NPSR1: variants seen among roughly 807,000 people sequenced by gnomAD.
NPSR1 encodes neuropeptide S receptor 1, also known as neuropeptide S receptor.
NPSR1 carries 48 observed loss-of-function variants against 46.9 expected under a neutral mutation model. That is an observed-to-expected ratio of 1.02 (90% CI 0.81 to 1.30). NPSR1 has a LOEUF of 1.30. Ranked by LOEUF, NPSR1 falls within the 50% of genes most tolerant of loss-of-function variation. The probability of loss-of-function intolerance (pLI) is 0.00; values close to 1 mark genes in which losing one functional copy is unlikely to be tolerated. For missense variants in NPSR1, 450 were observed against 449.5 expected (o/e 1.00, Z -0.01); for synonymous variants, 176 against 168.1 (o/e 1.05, Z -0.36).
intron 2 of NPSR1, among the ~76,000 whole-genome samples, chr7:34,752,344 G>A (rs928468779): frequency 2.6e-5 from 4 of 152,142 alleles, no homozygotes; most frequent in Non-Finnish European, 4.4e-5. Context: ...GGTTTTGGGA[G>A]TTCCTTCAGA....
chr7:34,689,685 G>A (rs1174765005), intron 2 of NPSR1, among the ~76,000 whole-genome samples: 5 of 149,236 alleles, frequency 3.4e-5, no homozygotes, highest in African/African-American at 9.8e-5. Flanking sequence ...GTTTATGCCT[G>A]TAGTCCCAGC....
chr7:34,862,374 C>T lies in NPSR1; in HGVS notation c.1025+13711C>T, dbSNP rs375587619. ...CCCAGAATCAGCCCTGGGGCCTCCT[C>T]TGAACTCTTAGGATAACTCTACCCT... On this transcript the variant is annotated intron_variant, in intron 8 of 8. Coordinates refer to the NPSR1 transcript ENST00000359791. 2.6e-5 allele frequency among the ~76,000 whole-genome samples: 4 copies of T among 151,748 alleles called. No homozygotes were observed. In the East Asian group the frequency reaches 7.7e-4, roughly 29 times the overall value.
intron 8 of NPSR1, among the ~76,000 whole-genome samples, chr7:34,871,114 A>G (rs1216930355): frequency 1.3e-5 from 2 of 151,824 alleles, no homozygotes; most frequent in African/African-American, 2.4e-5. Context: ...TAATTGGTTC[A>G]TGGTTCTGCA....
intron 8 of NPSR1, among the ~76,000 whole-genome samples, chr7:34,862,416 C>T (rs1341452365): frequency 6.6e-6 from 1 of 151,772 alleles, no homozygotes; most frequent in Admixed American, 6.5e-5. Context: ...TTTGTTCCTC[C>T]AGTCTTAGGA....
intron 3 of NPSR1, among the ~76,000 whole-genome samples, chr7:34,810,136 G>A (rs143301510): frequency 4.8e-4 from 73 of 152,264 alleles, no homozygotes; most frequent in African/African-American, 1.6e-3. Flanking sequence ...AAAAAGGCAC[G>A]AATTCAGAAC....
chr7:34,682,995 C>G (rs1049053964), intron 1 of NPSR1, among the ~76,000 whole-genome samples: 3 of 152,282 alleles, frequency 2.0e-5, no homozygotes, highest in East Asian at 1.9e-4. Flanking sequence ...CATCCTCCCC[C>G]CACATCACCA....
chr7:34,849,562 C>T lies in NPSR1; in HGVS notation c.1026-3C>T. Reference sequence around the variant, plus strand: ...CTCCCTGCTTTATTTTGACTTTCTCCAGGGAGCAAAGATCACAGGATTCCA... The same window carrying T: ...CTCCCTGCTTTATTTTGACTTTCTCTAGGGAGCAAAGATCACAGGATTCCA... On this transcript the variant is annotated splice_polypyrimidine_tract_variant and splice_region_variant and intron_variant, in intron 8 of 8. Coordinates refer to ENST00000360581, the MANE Select transcript of NPSR1 (RefSeq NM_207172.2). 6.2e-7 allele frequency: 1 copy of T among 1,614,034 alleles called. No individual in the cohort carries two copies. The highest frequency in any genetic ancestry group is 1.1e-5 in the South Asian group (1 of 91,076).
intron 5 of NPSR1, among the ~76,000 whole-genome samples, chr7:34,829,678 T>C (rs1283641893): frequency 6.6e-6 from 1 of 152,222 alleles, no homozygotes; most frequent in Admixed American, 6.5e-5. Flanking sequence ...CCTGTATCTA[T>C]GATTTCCCCA....
At chr7:34,760,445 T>C (rs1182188947) in intron 2 of NPSR1, among the ~76,000 whole-genome samples, 1 of 152,210 alleles carries the variant, frequency 6.6e-6, no homozygotes, top group Non-Finnish European at 1.5e-5. Flanking sequence ...GTGTGGTCAG[T>C]AGCAAGCCCA....
intron 1 of NPSR1, among the ~76,000 whole-genome samples, chr7:34,671,110 T>C (rs956832274): frequency 6.6e-6 from 1 of 152,190 alleles, no homozygotes; most frequent in Non-Finnish European, 1.5e-5. Context: ...GATATAACCA[T>C]AGAATGGAAT....
chr7:34,669,967 C>T (rs935452432), intron 1 of NPSR1, among the ~76,000 whole-genome samples: 3 of 152,116 alleles, frequency 2.0e-5, no homozygotes, highest in Non-Finnish European at 4.4e-5. Flanking sequence ...TGAAGCATTA[C>T]TGAAATATAT....
intron 2 of NPSR1, among the ~76,000 whole-genome samples, chr7:34,705,192 T>C (rs1025625088): frequency 6.6e-6 from 1 of 152,102 alleles, no homozygotes; most frequent in Non-Finnish European, 1.5e-5. Context: ...TTTGGGAGGC[T>C]GAGGCGGGCA....
chr7:34,855,266 T>C (rs1791026298), intron 8 of NPSR1, among the ~76,000 whole-genome samples: 1 of 151,616 alleles, frequency 6.6e-6, no homozygotes, highest in African/African-American at 2.4e-5. Context: ...GGAGTAAAAT[T>C]AATGAAATAA....
intron 3 of NPSR1, among the ~76,000 whole-genome samples, chr7:34,804,304 G>A (rs181634541): frequency 2.0e-5 from 3 of 152,176 alleles, no homozygotes; most frequent in East Asian, 1.9e-4. Flanking sequence ...GTATAATCAT[G>A]TATAGAAAGA....
chr7:34,794,844 G>A (rs1031031401), intron 3 of NPSR1, among the ~76,000 whole-genome samples: 3 of 152,028 alleles, frequency 2.0e-5, no homozygotes, highest in Non-Finnish European at 4.4e-5. Context: ...CTTGAGATAA[G>A]CCTGGGCAAC....
intron 2 of NPSR1, among the ~76,000 whole-genome samples, chr7:34,739,717 C>G (rs973023363): frequency 6.6e-6 from 1 of 152,200 alleles, no homozygotes; most frequent in Non-Finnish European, 1.5e-5. Flanking sequence ...AGGCTCCAGG[C>G]TGGTACTGCC....
intron 4 of NPSR1, among the ~76,000 whole-genome samples, chr7:34,822,327 T>G (rs1789598082): frequency 6.6e-6 from 1 of 151,986 alleles, no homozygotes; most frequent in African/African-American, 2.4e-5. Flanking sequence ...CAGGGCTCTC[T>G]GGGAGAGTCA....
At chr7:34,705,304 G>A (rs374823045) in intron 2 of NPSR1, among the ~76,000 whole-genome samples, 7 of 151,842 alleles carry the variant, frequency 4.6e-5, no homozygotes, top group Non-Finnish European at 8.8e-5. Flanking sequence ...GTGCACGCCC[G>A]TAATACCAGC....
At chr7:34,776,424 TGA>T (rs1786960786) in intron 2 of NPSR1, among the ~76,000 whole-genome samples, 1 of 152,178 alleles carries the variant, frequency 6.6e-6, no homozygotes, top group African/African-American at 2.4e-5. Flanking sequence ...ATTCTCTTGC[TGA>T]ATTGACCCCT....
Sources: gnomAD v4.1 joint callset for allele counts (sites outside exome capture counted in the v4.1 genomes callset) on GRCh38, gnomAD v4.1.1 for gene constraint, MANE v1.5 for transcripts, NCBI Gene and HGNC (gene_info 2026-07-23, HGNC 2026-07-21) for gene names.